The following ADAMTS2 variants were observed in gnomAD, a reference collection of about 807,000 sequenced individuals.
ADAMTS2 encodes ADAM metallopeptidase with thrombospondin type 1 motif 2, also known as A disintegrin and metalloproteinase with thrombospondin motifs 2.
A neutral mutation model predicts 123.0 loss-of-function variants in ADAMTS2; 50 were observed. The ratio of observed to expected loss-of-function variants is 0.41; its 90% CI spans 0.32 to 0.51. The LOEUF (loss-of-function observed/expected upper bound fraction) is 0.51, where lower values mean the gene tolerates loss of function less well. Ranked by LOEUF, ADAMTS2 falls within the 20% of genes least tolerant of loss-of-function variation. ADAMTS2 has a pLI of 0.35. For missense variants in ADAMTS2, 1,494 were observed against 1,705.2 expected (o/e 0.88, Z 2.18); for synonymous variants, 678 against 695.4 (o/e 0.98, Z 0.39).
At chr5:179,306,145 C>G (rs1280127761) in intron 2 of ADAMTS2, among the ~76,000 whole-genome samples, 1 of 151,314 alleles carries the variant, frequency 6.6e-6, no homozygotes, top group Non-Finnish European at 1.5e-5. Flanking sequence ...AAAAAAAAAA[C>G]CCTACAAACC....
intron 3 of ADAMTS2, among the ~76,000 whole-genome samples, chr5:179,217,877 AC>A (rs1765037100): frequency 1.2e-5 from 1 of 86,358 alleles, no homozygotes; most frequent in Non-Finnish European, 2.7e-5. Context: ...CTGAGGGCAG[AC>A]GGCACACTCA....
intron 4 of ADAMTS2, among the ~76,000 whole-genome samples, chr5:179,195,803 G>A (rs1164729497): frequency 2.6e-5 from 4 of 152,228 alleles, no homozygotes; most frequent in South Asian, 4.1e-4. Flanking sequence ...CGGGACAAGC[G>A]TGAGGAACAG....
intron 12 of ADAMTS2, among the ~76,000 whole-genome samples, 189 bp downstream of exon 12, chr5:179,137,580 C>T (rs1763086464): frequency 6.6e-6 from 1 of 152,378 alleles, no homozygotes; most frequent in Non-Finnish European, 1.5e-5. Flanking sequence ...GGGATTGCAG[C>T]CCTGCTAGGA....
chr5:179,138,976 CTGTTT>C (rs1476707248), intron 11 of ADAMTS2, among the ~76,000 whole-genome samples: 3 of 152,234 alleles, frequency 2.0e-5, no homozygotes, highest in African/African-American at 7.2e-5. Context: ...GGCTGGAAAT[CTGTTT>C]TGTTTGTTTT....
At chr5:179,288,521 A>C (rs1410373105) in intron 2 of ADAMTS2, among the ~76,000 whole-genome samples, 7 of 152,050 alleles carry the variant, frequency 4.6e-5, no homozygotes, top group Non-Finnish European at 1.0e-4. Context: ...GTCCCCACCC[A>C]CCCAGGGTGG....
At chr5:179,212,912 C>A (rs1232302113) in intron 3 of ADAMTS2, among the ~76,000 whole-genome samples, 1 of 152,102 alleles carries the variant, frequency 6.6e-6, no homozygotes, top group Non-Finnish European at 1.5e-5. Flanking sequence ...GGCCTCTTCA[C>A]CTGCGATGCC....
At chr5:179,254,606 G>T (rs773399699) in intron 3 of ADAMTS2, among the ~76,000 whole-genome samples, 2 of 152,182 alleles carry the variant, frequency 1.3e-5, no homozygotes, top group South Asian at 2.1e-4. Context: ...GTGAAGTCGG[G>T]GGGGCGTGCA....
chr5:179,136,185 G>C, intron 12 of ADAMTS2, 143 bp from the exon 13 acceptor site: 1 of 1,171,448 alleles, frequency 8.5e-7, no homozygotes, highest in Non-Finnish European at 1.3e-6. Context: ...GAAAGGGGTG[G>C]GTGACAGCAG....
chr5:179,121,997 C>T (rs1240000381), intron 20 of ADAMTS2: 2 of 366,950 alleles, frequency 5.5e-6, no homozygotes, highest in East Asian at 4.2e-5. Flanking sequence ...CAGGCCCTGC[C>T]GCCTCCTTTT....
chr5:179,310,052 C>T (rs1032491247), intron 2 of ADAMTS2, among the ~76,000 whole-genome samples: 3 of 152,220 alleles, frequency 2.0e-5, no homozygotes, highest in Non-Finnish European at 4.4e-5. Flanking sequence ...CCTGAATGTC[C>T]TGTGGATCTG....
chr5:179,126,391 G>A lies in ADAMTS2; in HGVS notation c.2618-261C>T, dbSNP rs58341826. On this transcript the variant is annotated intron_variant, in intron 17 of 21. Coordinates refer to ENST00000251582, the MANE Select transcript of ADAMTS2 (RefSeq NM_014244.5). ...CACTGGGCTCCTGGGTCAGAGTGGA[G>A]GCCCTATTTCCTTGCTACTGCTAGG... Among the ~76,000 whole-genome samples the A allele has an allele frequency of 8.9e-3, 1,363 of 152,324 alleles. 21 individuals carry two copies. The highest frequency in any genetic ancestry group is 0.031 in the African/African-American group (1,281 of 41,580).
chr5:179,250,158 A>T (rs1765885560), intron 3 of ADAMTS2, among the ~76,000 whole-genome samples: 1 of 152,320 alleles, frequency 6.6e-6, no homozygotes, highest in East Asian at 1.9e-4. Context: ...TGATCAAAAA[A>T]TACTCAAGAA....
At chr5:179,217,827 C>CG (rs1561811291) in intron 3 of ADAMTS2, among the ~76,000 whole-genome samples, 3 of 97,568 alleles carry the variant, frequency 3.1e-5, no homozygotes, top group Admixed American at 9.1e-5. Context: ...TAGGGGATGG[C>CG]CTGAGGGCAG....
intron 4 of ADAMTS2, among the ~76,000 whole-genome samples, chr5:179,199,062 C>T (rs753078663): frequency 2.4e-4 from 36 of 152,278 alleles, no homozygotes; most frequent in Non-Finnish European, 3.8e-4. Flanking sequence ...CAGGTGTTCC[C>T]TCAGGCTATG....
chr5:179,184,035 TG>T, intron 4 of ADAMTS2, among the ~76,000 whole-genome samples: 1 of 152,164 alleles, frequency 6.6e-6, no homozygotes, highest in East Asian at 1.9e-4. Flanking sequence ...TTCAGAACTG[TG>T]GGAAATGAAT....
chr5:179,134,050 T>C lies in ADAMTS2; in HGVS notation c.2086-1150A>G, dbSNP rs532067632. Among the ~76,000 whole-genome samples, 7 of 152,276 alleles carry C rather than the reference T, an allele frequency of 4.6e-5. No homozygotes were observed. In the East Asian group the frequency reaches 9.6e-4, roughly 21 times the overall value. ...AATACCCATGTCAGGAGTGACGTGA[T>C]AGCCACACCCACGGAGACAGTGCAT... On this transcript the variant is annotated intron_variant, in intron 13 of 21. Transcript: ENST00000251582.
At chr5:179,198,139 C>G (rs530113247) in intron 4 of ADAMTS2, among the ~76,000 whole-genome samples, 2 of 152,050 alleles carry the variant, frequency 1.3e-5, no homozygotes, top group Non-Finnish European at 2.9e-5. Flanking sequence ...CCAATGCCCT[C>G]GGGGGCGGGG....
chr5:179,163,852 G>C (rs997812042), intron 5 of ADAMTS2, among the ~76,000 whole-genome samples: 1 of 152,196 alleles, frequency 6.6e-6, no homozygotes, highest in Non-Finnish European at 1.5e-5. Flanking sequence ...AGGGTCCAGA[G>C]CTAAAGGGGT....
At position 179,130,679 on chromosome 5, in the gene ADAMTS2, C is replaced by A. The variant is rs568912059; in HGVS notation, c.2291-581G>T. ...ATCTAGGAGCAGAGGACCTGGCTAG[C>A]CAGGAAGCCCCATGCTCTCTGCAGT... is the stretch of plus-strand genomic sequence containing the variant. On this transcript the variant is annotated intron_variant, in intron 15 of 21. Transcript: ENST00000251582. The surrounding 1 kb of genome is among the most constrained non-coding windows in gnomAD (Gnocchi z 4.3). 6.6e-6 allele frequency among the ~76,000 whole-genome samples: 1 copy of A among 152,310 alleles called. No individual in the cohort carries two copies. Among genetic ancestry groups the A allele is most frequent in the South Asian group, 2.1e-4 (1 of 4,824 alleles).
Sources: gnomAD v4.1 joint callset for allele counts (sites outside exome capture counted in the v4.1 genomes callset) on GRCh38, gnomAD v4.1.1 for gene constraint, Gnocchi (gnomAD v3.1) non-coding constraint, MANE v1.5 for transcripts, NCBI Gene and HGNC (gene_info 2026-07-23, HGNC 2026-07-21) for gene names.